The following XPO6 variants were observed in gnomAD, a reference collection of about 807,000 sequenced individuals.
The protein encoded by XPO6 is exportin 6, also known as exportin-6.
A neutral mutation model predicts 130.0 loss-of-function variants in XPO6; 3 were observed. That is an observed-to-expected ratio of 0.02 (90% CI 0.01 to 0.06). XPO6 has a LOEUF of 0.06. Ranked by LOEUF, XPO6 falls within the 10% of genes least tolerant of loss-of-function variation. The pLI is 1.00. For missense variants in XPO6, 970 were observed against 1,393.0 expected, an observed-to-expected ratio of 0.70 and a Z score of 4.83; for synonymous variants, 524 against 548.9, an observed-to-expected ratio of 0.95 and a Z score of 0.63.
chr16:28,120,773 C>A (rs2087212760), intron 14 of XPO6, among the ~76,000 whole-genome samples: 1 of 152,230 alleles, frequency 6.6e-6, no homozygotes, highest in Admixed American at 6.5e-5. Flanking sequence ...CAAGAATGCT[C>A]TACAGCAGGA....
At chr16:28,176,451 G>A (rs1347779685) in intron 3 of XPO6, among the ~76,000 whole-genome samples, 1 of 151,024 alleles carries the variant, frequency 6.6e-6, no homozygotes, top group Non-Finnish European at 1.5e-5. Flanking sequence ...AAAATAAAGT[G>A]GGGAAAAGTA....
chr16:28,186,554 G>C (rs753727247), intron 1 of XPO6, among the ~76,000 whole-genome samples: 1 of 151,258 alleles, frequency 6.6e-6, no homozygotes, highest in Non-Finnish European at 1.5e-5. Context: ...CATTTTTGTA[G>C]AGCCTGGGTC....
chr16:28,128,983 G>A (rs1454028676), intron 12 of XPO6, among the ~76,000 whole-genome samples: 1 of 152,140 alleles, frequency 6.6e-6, no homozygotes, highest in East Asian at 1.9e-4. Flanking sequence ...CAGTACCTAG[G>A]ATGACAACTA....
At chr16:28,190,734 T>C (rs181498190) in intron 1 of XPO6, among the ~76,000 whole-genome samples, 9 of 152,282 alleles carry the variant, frequency 5.9e-5, no homozygotes, top group Non-Finnish European at 1.2e-4. Flanking sequence ...AACTGTACCA[T>C]AGTCATGTGG....
chr16:28,153,908 C>T, intron 7 of XPO6: 1 of 985,350 alleles, frequency 1.0e-6, no homozygotes, highest in Non-Finnish European at 1.2e-6. Flanking sequence ...CTCCTGGGAC[C>T]TATCTCCCTG....
At chr16:28,203,639 C>T (rs1161221669) in intron 1 of XPO6, among the ~76,000 whole-genome samples, 4 of 152,200 alleles carry the variant, frequency 2.6e-5, no homozygotes. Flanking sequence ...CCTACCAAAT[C>T]CAAATCACCA....
At chr16:28,152,614 A>G in intron 8 of XPO6, 45 bp downstream of exon 8, 2 of 1,584,830 alleles carry the variant, frequency 1.3e-6, no homozygotes, top group Non-Finnish European at 1.7e-6. Context: ...GTAACAAGGT[A>G]ATAAACCTTT....
At chr16:28,121,644 G>C (rs1437780452) in intron 14 of XPO6, 26 bp downstream of exon 14, 1 of 1,537,454 alleles carries the variant, frequency 6.5e-7, no homozygotes, top group East Asian at 2.2e-5. Flanking sequence ...TCCTAAAAAT[G>C]CACAAACATC....
At position 28,121,278 on chromosome 16, in the gene XPO6, T is replaced by C. The variant is rs574610426; in HGVS notation, c.1859+392A>G. Reference sequence around the variant, plus strand: ...CATTCTTCTGCATCCTACAGTATCCTACAGTTTTAGTCAATGATCTACAGG... The same window carrying C: ...CATTCTTCTGCATCCTACAGTATCCCACAGTTTTAGTCAATGATCTACAGG... On this transcript the variant is annotated intron_variant, in intron 14 of 23. Coordinates refer to ENST00000304658, the MANE Select transcript of XPO6 (RefSeq NM_015171.4). 2.0e-5 allele frequency among the ~76,000 whole-genome samples: 3 copies of C among 152,344 alleles called. No homozygotes were observed. The South Asian group carries it at 6.2e-4, about 32-fold the overall frequency.
At chr16:28,201,505 A>G (rs2043952088) in intron 1 of XPO6, among the ~76,000 whole-genome samples, 2 of 152,276 alleles carry the variant, frequency 1.3e-5, no homozygotes, top group African/African-American at 4.8e-5. Context: ...GTGGGGAAGG[A>G]GGCAAGAGAT....
chr16:28,106,572 C>T lies in XPO6; in HGVS notation c.2498-75G>A. 1 of 1,157,854 alleles carries T rather than the reference C, an allele frequency of 8.6e-7. No individual in the cohort carries two copies. Among genetic ancestry groups the T allele is most frequent in the Non-Finnish European group, 1.3e-6 (1 of 777,240 alleles). The allele number at this position is 1,157,854 out of a possible 1,614,324, so 71.7% of individuals were successfully genotyped here. ...CAGAACCCTGGGCTTCATCAACCTA[C>T]TCCTGAAATCTGCACTATCAGCTTT... On this transcript the variant is annotated intron_variant, in intron 18 of 23. Coordinates refer to ENST00000304658, the MANE Select transcript of XPO6 (RefSeq NM_015171.4). The surrounding 1 kb of genome is among the most constrained non-coding windows in gnomAD (Gnocchi z 4.2).
chr16:28,134,108 C>CA (rs2042728700), intron 10 of XPO6, among the ~76,000 whole-genome samples, 175 bp from the exon 11 acceptor site: 2 of 152,158 alleles, frequency 1.3e-5, no homozygotes, highest in Non-Finnish European at 2.9e-5. Flanking sequence ...ATTAATTTCA[C>CA]AAAAAACTAC....
rs1380023949 is a variant in XPO6, at chr16:28,132,285, G to A, written c.1606+49C>T. 19 of 1,392,688 alleles carry A rather than the reference G, an allele frequency of 1.4e-5. No homozygotes were observed. The highest frequency in any genetic ancestry group is 3.5e-4 in the Middle Eastern group (2 of 5,680). 86.3% of individuals were successfully genotyped at this position (1,392,688 alleles called of 1,614,324 possible). ...GGCAGCAGTAATGAAATATCAGTCC[G>A]ATGGTTTTTTGAATGTTTGGTTAAA... On this transcript the variant is annotated intron_variant, in intron 12 of 23. Coordinates refer to ENST00000304658, the MANE Select transcript of XPO6 (RefSeq NM_015171.4). The surrounding 1 kb of genome is among the most constrained non-coding windows in gnomAD (Gnocchi z 4.0).
Position 28,107,547 on chromosome 16 carries a change from G to C in XPO6, c.2472C>G (p.Leu824=). The change falls in exon 18 of 24, where the codon CTC becomes CTG. Residue 824 remains leucine (L), a synonymous_variant. Transcript: ENST00000304658. The part of the protein sequence containing the change: ...LQESVQVSLA[L]FPAFIHQSDV... Reference sequence around the variant, plus strand: ...CTGACTGATGGATAAAAGCTGGAAAGAGGGCCAGGGAGACCTGAACAGATT... The same window carrying C: ...CTGACTGATGGATAAAAGCTGGAAACAGGGCCAGGGAGACCTGAACAGATT... The C allele has an allele frequency of 1.2e-6, 2 of 1,614,250 alleles. No homozygotes were observed. The highest frequency in any genetic ancestry group is 1.7e-6 in the Non-Finnish European group (2 of 1,180,044).
At chr16:28,146,615 TTCC>T (rs1259307334) in intron 8 of XPO6, among the ~76,000 whole-genome samples, 1 of 152,218 alleles carries the variant, frequency 6.6e-6, no homozygotes, top group Non-Finnish European at 1.5e-5. Context: ...CCAATGCTCT[TTCC>T]ATTACAAACC....
At chr16:28,198,929 A>C (rs890149540) in intron 1 of XPO6, among the ~76,000 whole-genome samples, 1 of 152,142 alleles carries the variant, frequency 6.6e-6, no homozygotes, top group African/African-American at 2.4e-5. Context: ...GGATCACCTG[A>C]GGTTGAGAGT....
intron 3 of XPO6, among the ~76,000 whole-genome samples, chr16:28,176,378 C>A (rs538093308): frequency 6.6e-6 from 1 of 152,064 alleles, no homozygotes; most frequent in African/African-American, 2.4e-5. Context: ...ACAGAAGCAA[C>A]TTCAATGTTC....
intron 23 of XPO6, among the ~76,000 whole-genome samples, chr16:28,098,946 G>A (rs1178725487): frequency 6.6e-6 from 1 of 152,166 alleles, no homozygotes; most frequent in Non-Finnish European, 1.5e-5. Flanking sequence ...AGAACCACTA[G>A]TCTAAGGACA....
intron 8 of XPO6, among the ~76,000 whole-genome samples, chr16:28,150,601 A>G (rs945373798): frequency 1.3e-5 from 2 of 152,190 alleles, no homozygotes; most frequent in Admixed American, 1.3e-4. Context: ...AGACATGCCT[A>G]CTTTAAAAGA....
Sources: allele counts gnomAD v4.1 joint callset (sites outside exome capture counted in the v4.1 genomes callset), GRCh38; gene constraint gnomAD v4.1.1; non-coding constraint Gnocchi (gnomAD v3.1); transcripts MANE v1.5; gene names NCBI Gene and HGNC (gene_info 2026-07-23, HGNC 2026-07-21).